The following TG variants were observed in gnomAD, a reference collection of about 807,000 sequenced individuals.
TG encodes thyroglobulin, also known as thyroid hormones.
Under a neutral mutation model 324.7 loss-of-function variants are expected in TG, and 270 were observed. The ratio of observed to expected loss-of-function variants is 0.83; its 90% CI spans 0.75 to 0.92. TG has a LOEUF of 0.92. TG is among the 40% of genes least tolerant of loss of function. The pLI is 0.00. For missense variants in TG, 3,591 were observed against 3,456.4 expected (o/e 1.04, Z -0.98); for synonymous variants, 1,401 against 1,327.0 (o/e 1.06, Z -1.21).
At chr8:132,923,219 G>A in intron 21 of TG, 119 bp from the exon 22 acceptor site, 3 of 1,155,722 alleles carry the variant, frequency 2.6e-6, no homozygotes, top group Non-Finnish European at 3.8e-6. Context: ...GTTTTAAGCT[G>A]GAATGTCTGA....
chr8:133,037,054 A>C (rs1837237146), intron 41 of TG: 1 of 152,196 alleles, frequency 6.6e-6, no homozygotes, highest in Admixed American at 6.5e-5. Context: ...GATACAGAAA[A>C]CTGTGTAACT....
Position 132,913,143 on chromosome 8 carries a change from C to T in TG, c.4256C>T (p.Ala1419Val), listed in dbSNP as rs374574993. 1.9e-5 allele frequency: 30 copies of T among 1,614,054 alleles called. No individual in the cohort carries two copies. Among genetic ancestry groups the T allele is most frequent in the South Asian group, 5.5e-5 (5 of 91,088 alleles). Residue 1419 changes from alanine (A) to valine (V), a missense_variant, in exon 20 of 48, where the codon GCG becomes GTG. Physicochemically the swap from Ala to Val is moderately conservative, Grantham distance 64 (BLOSUM62 0). Transcript: ENST00000220616. ...CATCTGGACTCCAAGACGTTCCCAG[C>T]GGAAACCATCCGCTTCCTCCAAGGG... ...QLHLDSKTFPAETIRFLQGDH... is the reference protein window; with the variant it reads ...QLHLDSKTFPVETIRFLQGDH...
intron 18 of TG, 55 bp from the exon 19 acceptor site, chr8:132,911,322 C>T: frequency 6.2e-7 from 1 of 1,613,990 alleles, no homozygotes; most frequent in Non-Finnish European, 8.5e-7. Context: ...GTGGACCCAA[C>T]AAAACTAGCT....
chr8:133,084,247 G>A (rs1185726264), intron 41 of TG, among the ~76,000 whole-genome samples: 1 of 152,174 alleles, frequency 6.6e-6, no homozygotes, highest in Non-Finnish European at 1.5e-5. Context: ...CCTCTGTCTA[G>A]GCAGTCCCCA....
chr8:133,102,599 T>G (rs1445397966), intron 43 of TG: 3 of 1,549,506 alleles, frequency 1.9e-6, no homozygotes, highest in Non-Finnish European at 2.6e-6. Flanking sequence ...TCGCAGCAAA[T>G]GATCTTATTT....
At chr8:133,044,204 C>G (rs185736916) in intron 41 of TG, among the ~76,000 whole-genome samples, 9 of 152,320 alleles carry the variant, frequency 5.9e-5, no homozygotes, top group Admixed American at 5.9e-4. Context: ...TTCACAATTT[C>G]TCCCTTTTCT....
intron 41 of TG, among the ~76,000 whole-genome samples, chr8:133,072,338 A>G (rs1455705468): frequency 6.6e-6 from 1 of 152,230 alleles, no homozygotes; most frequent in East Asian, 1.9e-4. Context: ...AACAGAGTGT[A>G]CTTATTTCCT....
At chr8:133,011,632 T>A (rs1834516938) in intron 35 of TG, among the ~76,000 whole-genome samples, 1 of 152,240 alleles carries the variant, frequency 6.6e-6, no homozygotes, top group African/African-American at 2.4e-5. Context: ...TACTATGAGC[T>A]GCTTAATAGA....
chr8:132,992,490 C>G (rs987438404), intron 35 of TG, among the ~76,000 whole-genome samples: 1 of 152,078 alleles, frequency 6.6e-6, no homozygotes, highest in South Asian at 2.1e-4. Context: ...ACTTTTGCAC[C>G]CACCTAATAG....
At chr8:132,960,870 G>T in intron 27 of TG, 138 bp from the exon 28 acceptor site, 1 of 874,402 alleles carries the variant, frequency 1.1e-6, no homozygotes. Flanking sequence ...AGAAGCTTCT[G>T]GGTTACATCT....
intron 5 of TG, among the ~76,000 whole-genome samples, chr8:132,877,188 G>T (rs1481281015): frequency 1.3e-5 from 2 of 152,064 alleles, no homozygotes; most frequent in Non-Finnish European, 2.9e-5. Flanking sequence ...CACCCAGGCT[G>T]GATTGTAGTG....
rs572664813 is a variant in TG, at chr8:133,050,843, C to A, written c.7239+20820C>A. On this transcript the variant is annotated intron_variant, in intron 41 of 47. Transcript: ENST00000220616. ...AGAAATCACACGCAGTTTCTCCCCT[C>A]GGCGGAATATCGGGGGGCTGATGTC... The A allele has an allele frequency of 2.4e-5, 39 of 1,612,914 alleles. 2 individuals carry two copies. The South Asian group carries it at 4.1e-4, about 17-fold the overall frequency.
In TG at chr8:132,887,482, T is replaced by C; in HGVS notation, c.2110T>C (p.Tyr704His). The change falls in exon 9 of 48, where the codon TAC becomes CAC. Residue 704 changes from tyrosine to histidine, a missense_variant. Tyr to His is a moderately conservative substitution (Grantham distance 83). Transcript: ENST00000220616. The part of the protein sequence containing the change: ...LPVQCFNSEC[Y>H]CVDAEGQAIP... The stretch of plus-strand genomic sequence containing the variant: ...TGTCCAGTGCTTCAACTCAGAGTGC[T>C]ACTGTGTTGATGCTGAGGGTCAGGC... The C allele has an allele frequency of 1.2e-6, 2 of 1,614,194 alleles. No homozygotes were observed. Among genetic ancestry groups the C allele is most frequent in the East Asian group, 2.2e-5 (1 of 44,878 alleles).
chr8:132,885,007 C>T (rs1815181515), intron 8 of TG, among the ~76,000 whole-genome samples: 2 of 152,172 alleles, frequency 1.3e-5, no homozygotes, highest in Non-Finnish European at 2.9e-5. Context: ...TCTGATGCTG[C>T]CAATCTTTCC....
In TG at chr8:132,929,229, G is replaced by T. The variant is rs371157373; in HGVS notation, c.4816+37G>T. The stretch of plus-strand genomic sequence containing the variant: ...TGGGGAGATATGCACTCAGAAGAAG[G>T]TGTGGAAATAAGCTCTGCTGAGAGT... On this transcript the variant is annotated intron_variant, in intron 23 of 47. Coordinates refer to ENST00000220616, the MANE Select transcript of TG (RefSeq NM_003235.5). 2.6e-6 allele frequency: 4 copies of T among 1,521,974 alleles called. No homozygotes were observed. In the African/African-American group the frequency reaches 5.5e-5, roughly 21 times the overall value. The allele number at this position is 1,521,974 out of a possible 1,614,324, so 94.3% of individuals were successfully genotyped here. A position where few individuals can be genotyped will look rare whatever the true frequency, so the allele number is the denominator to read the frequency against.
At chr8:132,872,323 A>C (rs1028984509) in intron 4 of TG, among the ~76,000 whole-genome samples, 1 of 151,622 alleles carries the variant, frequency 6.6e-6, no homozygotes, top group Admixed American at 6.6e-5. Flanking sequence ...CTAAAAATAC[A>C]AAAAATTAGC....
At chr8:133,010,197 T>C (rs1834382412) in intron 35 of TG, among the ~76,000 whole-genome samples, 1 of 152,284 alleles carries the variant, frequency 6.6e-6, no homozygotes, top group Admixed American at 6.5e-5. Context: ...ATTTTCCAGC[T>C]CCATGTTCTG....
intron 22 of TG, among the ~76,000 whole-genome samples, chr8:132,926,921 C>A (rs930277527): frequency 2.0e-5 from 3 of 152,166 alleles, no homozygotes; most frequent in East Asian, 1.9e-4. Context: ...CCTGCTGCAG[C>A]TTCCTGGCAC....
intron 43 of TG, among the ~76,000 whole-genome samples, chr8:133,111,538 G>A (rs1027454368): frequency 3.3e-5 from 5 of 152,210 alleles, no homozygotes; most frequent in African/African-American, 1.2e-4. Context: ...GCAGGTTGTA[G>A]AGTCCACAAA....
Sources: gnomAD v4.1 joint callset for allele counts (sites outside exome capture counted in the v4.1 genomes callset) on GRCh38, gnomAD v4.1.1 for gene constraint, MANE v1.5 for transcripts, NCBI Gene and HGNC (gene_info 2026-07-23, HGNC 2026-07-21) for gene names.